Variants in CSMD1 observed in about 807,000 individuals in gnomAD.
The protein encoded by CSMD1 is CUB and Sushi multiple domains 1, also known as CUB and sushi domain-containing protein 1.
A neutral mutation model predicts 417.5 loss-of-function variants in CSMD1; 213 were observed. That is an observed-to-expected ratio of 0.51 (90% confidence interval 0.46 to 0.57). The LOEUF (loss-of-function observed/expected upper bound fraction) is 0.57, where lower values mean the gene tolerates loss of function less well. CSMD1 is among the 20% of genes least tolerant of loss of function. The probability of loss-of-function intolerance (pLI) is 0.00; values close to 1 mark genes in which losing one functional copy is unlikely to be tolerated. For missense variants in CSMD1, 6,923 were observed against 4,529.7 expected (o/e 1.53, Z -15.17); for synonymous variants, 2,862 against 1,736.8 (o/e 1.65, Z -16.11).
chr8:3,029,547 T>A, intron 50 of CSMD1, 34 bp from the exon 51 acceptor site: 1 of 1,545,384 alleles, frequency 6.5e-7, no homozygotes, highest in Non-Finnish European at 8.8e-7. Flanking sequence ...TCATCATTTT[T>A]CTTTTTTGGA....
At chr8:3,960,481 T>A (rs1428651751) in intron 5 of CSMD1, among the ~76,000 whole-genome samples, 3 of 152,226 alleles carry the variant, frequency 2.0e-5, no homozygotes, top group African/African-American at 7.2e-5. Context: ...TTTATGCCTT[T>A]AAAGACTGAT....
chr8:3,927,679 A>T (rs1809841404), intron 5 of CSMD1, among the ~76,000 whole-genome samples: 1 of 152,306 alleles, frequency 6.6e-6, no homozygotes. Context: ...ATCTCAAAAT[A>T]GAAAAGAAAA....
chr8:3,265,163 C>G (rs1211557286), intron 26 of CSMD1, among the ~76,000 whole-genome samples: 1 of 152,114 alleles, frequency 6.6e-6, no homozygotes, highest in South Asian at 2.1e-4. Context: ...AAGGAATTTA[C>G]ACTCTCACTA....
intron 2 of CSMD1, among the ~76,000 whole-genome samples, chr8:4,421,766 G>A (rs927745622): frequency 6.7e-6 from 1 of 149,936 alleles, no homozygotes; most frequent in East Asian, 2.0e-4. Context: ...CTTATTGCAA[G>A]AACTATAAAA....
chr8:4,205,582 A>G (rs974432009), intron 3 of CSMD1, among the ~76,000 whole-genome samples: 2 of 152,242 alleles, frequency 1.3e-5, no homozygotes, highest in Non-Finnish European at 2.9e-5. Flanking sequence ...CAGCATATAA[A>G]TGATGGGGTA....
intron 5 of CSMD1, among the ~76,000 whole-genome samples, chr8:3,909,076 A>T (rs1160451735): frequency 6.6e-6 from 1 of 152,186 alleles, no homozygotes; most frequent in African/African-American, 2.4e-5. Context: ...CCTTTGGAGA[A>T]TTCTAGTGAA....
chr8:4,175,589 T>G (rs1034714626), intron 3 of CSMD1, among the ~76,000 whole-genome samples: 1 of 151,860 alleles, frequency 6.6e-6, no homozygotes, highest in African/African-American at 2.4e-5. Context: ...ATTAGGAGAG[T>G]AAATATACAA....
intron 23 of CSMD1, among the ~76,000 whole-genome samples, chr8:3,341,329 A>T (rs978478869): frequency 4.6e-5 from 7 of 152,224 alleles, no homozygotes; most frequent in African/African-American, 1.7e-4. Flanking sequence ...ACAGCTCAGT[A>T]TCCCTACATT....
chr8:4,969,588 C>G (rs1220009860), intron 1 of CSMD1, among the ~76,000 whole-genome samples: 2 of 151,774 alleles, frequency 1.3e-5, no homozygotes, highest in Non-Finnish European at 2.9e-5. Flanking sequence ...ATTTTTATCT[C>G]AAAAAGCCAG....
chr8:3,957,409 G>C (rs1762863095), intron 5 of CSMD1, among the ~76,000 whole-genome samples: 1 of 152,184 alleles, frequency 6.6e-6, no homozygotes, highest in African/African-American at 2.4e-5. Context: ...TGGGAGCAGT[G>C]GCTCCCACCT....
chr8:3,736,119 C>A (rs948116712), intron 6 of CSMD1, among the ~76,000 whole-genome samples: 2 of 152,154 alleles, frequency 1.3e-5, no homozygotes, highest in African/African-American at 4.8e-5. Context: ...AGTTTACATA[C>A]ATTAAATCTT....
At chr8:4,720,775 C>T (rs943862988) in intron 1 of CSMD1, among the ~76,000 whole-genome samples, 2 of 152,128 alleles carry the variant, frequency 1.3e-5, no homozygotes, top group Non-Finnish European at 1.5e-5. Flanking sequence ...TCATCTTGGT[C>T]CATACTTTGT....
At chr8:3,329,594 C>T (rs1325077340) in intron 23 of CSMD1, among the ~76,000 whole-genome samples, 2 of 152,166 alleles carry the variant, frequency 1.3e-5, no homozygotes, top group Admixed American at 6.5e-5. Flanking sequence ...TTCTCATGTA[C>T]CATGAGTGCG....
rs547945828 is a variant in CSMD1 at position 4,356,161 on chromosome 8, C to T, written c.415+63792G>A. ...CCATTGTATCTTTCTTATGCCTTTG[C>T]ATCCTTATAGCTTAACTGCCACAAA... is the stretch of plus-strand genomic sequence containing the variant. On this transcript the variant is annotated intron_variant, in intron 3 of 69. Coordinates refer to ENST00000635120, the MANE Select transcript of CSMD1 (RefSeq NM_033225.6). Among the ~76,000 whole-genome samples the T allele has an allele frequency of 3.3e-5, 5 of 152,260 alleles. No homozygotes were observed. In the South Asian group the frequency reaches 1.0e-3, roughly 32 times the overall value.
chr8:4,276,047 G>A (rs188343516), intron 3 of CSMD1, among the ~76,000 whole-genome samples: 34 of 152,284 alleles, frequency 2.2e-4, no homozygotes, highest in African/African-American at 7.7e-4. Context: ...TTCAACCGTT[G>A]TGGAAGACAG....
chr8:3,540,138 G>T (rs371986420), intron 10 of CSMD1, among the ~76,000 whole-genome samples: 1 of 152,062 alleles, frequency 6.6e-6, no homozygotes, highest in South Asian at 2.1e-4. Context: ...TCAATACTTG[G>T]AAATTAAACT....
intron 1 of CSMD1, among the ~76,000 whole-genome samples, chr8:4,637,975 A>T (rs992138224): frequency 6.6e-6 from 1 of 152,004 alleles, no homozygotes; most frequent in African/African-American, 2.4e-5. Flanking sequence ...CGGCCTAGCC[A>T]ATTTTTACAA....
intron 1 of CSMD1, among the ~76,000 whole-genome samples, chr8:4,829,204 A>G (rs1385478269): frequency 1.3e-5 from 2 of 152,160 alleles, no homozygotes; most frequent in African/African-American, 4.8e-5. Context: ...TCTAATAAAG[A>G]CTGCTCAAGT....
intron 3 of CSMD1, among the ~76,000 whole-genome samples, chr8:4,153,161 T>C (rs1168892389): frequency 9.2e-5 from 14 of 152,168 alleles, no homozygotes; most frequent in Admixed American, 8.5e-4. Context: ...GTGGTGACCA[T>C]GCCAGGAATA....
Sources: allele counts gnomAD v4.1 joint callset (sites outside exome capture counted in the v4.1 genomes callset), GRCh38; gene constraint gnomAD v4.1.1; transcripts MANE v1.5; gene names NCBI Gene and HGNC (gene_info 2026-07-23, HGNC 2026-07-21).